The following DLG2 variants were observed in gnomAD, a reference collection of about 807,000 sequenced individuals.
DLG2 encodes discs large MAGUK scaffold protein 2.
Under a neutral mutation model 132.5 loss-of-function variants are expected in DLG2, and 45 were observed. The observed-to-expected ratio is 0.34, with a 90% CI of 0.27 to 0.44. The LOEUF is 0.44. Ranked by LOEUF, DLG2 falls within the 20% of genes least tolerant of loss-of-function variation. DLG2 has a pLI of 1.00. For missense variants in DLG2, 1,045 were observed against 1,196.9 expected, an observed-to-expected ratio of 0.87 and a Z score of 1.87; for synonymous variants, 424 against 419.6, an observed-to-expected ratio of 1.01 and a Z score of -0.13.
intron 6 of DLG2, among the ~76,000 whole-genome samples, chr11:84,714,649 C>T (rs377244654): frequency 1.2e-4 from 17 of 136,056 alleles, no homozygotes; most frequent in African/African-American, 3.1e-4. Context: ...CTCTCTCTTT[C>T]TCTCTCTCTC....
chr11:84,333,413 A>C (rs1020590416), intron 7 of DLG2, among the ~76,000 whole-genome samples: 9 of 152,198 alleles, frequency 5.9e-5, no homozygotes, highest in South Asian at 2.1e-4. Context: ...TTTGGCATTC[A>C]ATCCACAGTT....
At chr11:84,713,562 C>T (rs189791078) in intron 6 of DLG2, among the ~76,000 whole-genome samples, 2 of 152,100 alleles carry the variant, frequency 1.3e-5, no homozygotes, top group Non-Finnish European at 2.9e-5. Flanking sequence ...TCGTGAGACT[C>T]CTATTAACTC....
intron 3 of DLG2, among the ~76,000 whole-genome samples, chr11:85,511,157 A>G (rs1180967798): frequency 3.3e-5 from 5 of 151,914 alleles, no homozygotes; most frequent in Non-Finnish European, 5.9e-5. Flanking sequence ...TCACTCATAG[A>G]TGGGAATTGA....
intron 9 of DLG2, among the ~76,000 whole-genome samples, chr11:84,151,214 T>C (rs1022681994): frequency 2.0e-5 from 3 of 151,810 alleles, no homozygotes; most frequent in Non-Finnish European, 2.9e-5. Context: ...TTTTTTTTTC[T>C]GATTCAGTTT....
At chr11:85,308,972 T>G (rs765658292) in intron 3 of DLG2, among the ~76,000 whole-genome samples, 16 of 152,154 alleles carry the variant, frequency 1.1e-4, no homozygotes, top group Non-Finnish European at 2.4e-4. Context: ...TTCCATGAGA[T>G]GCATATACTT....
chr11:85,264,067 G>C (rs1252745916), intron 4 of DLG2, among the ~76,000 whole-genome samples: 2 of 151,772 alleles, frequency 1.3e-5, no homozygotes, highest in Non-Finnish European at 2.9e-5. Flanking sequence ...AAGGTATTTG[G>C]GAACAGGATG....
At chr11:84,445,713 G>C (rs1280403081) in intron 7 of DLG2, among the ~76,000 whole-genome samples, 1 of 151,722 alleles carries the variant, frequency 6.6e-6, no homozygotes, top group Non-Finnish European at 1.5e-5. Context: ...TCAGGAGATC[G>C]AGACCATCCT....
At chr11:84,720,255 G>A (rs570347043) in intron 6 of DLG2, 2 of 984,572 alleles carry the variant, frequency 2.0e-6, no homozygotes, top group African/African-American at 3.5e-5. Context: ...TCTCCCCCGA[G>A]GGAGGCAACA....
intron 7 of DLG2, among the ~76,000 whole-genome samples, chr11:84,299,139 G>A (rs1337459588): frequency 2.0e-5 from 3 of 152,150 alleles, no homozygotes; most frequent in South Asian, 2.1e-4. Context: ...ATAGAGAACT[G>A]CTTAAAACAT....
At chr11:84,193,058 T>G (rs901392681) in intron 8 of DLG2, among the ~76,000 whole-genome samples, 10 of 152,204 alleles carry the variant, frequency 6.6e-5, no homozygotes, top group African/African-American at 2.4e-4. Flanking sequence ...TAACAATGCA[T>G]GTAGTTGATA....
chr11:85,418,155 T>C (rs1383807585), intron 3 of DLG2, among the ~76,000 whole-genome samples: 3 of 152,206 alleles, frequency 2.0e-5, no homozygotes, highest in Non-Finnish European at 4.4e-5. Context: ...TTTGTTCTCA[T>C]TGGTTTCAAA....
chr11:83,632,970 A>G (rs973185367), intron 19 of DLG2: 6 of 489,172 alleles, frequency 1.2e-5, no homozygotes, highest in African/African-American at 9.7e-5. Context: ...TATGCTGAGC[A>G]TTTTATCCTG....
chr11:84,522,887 C>G (rs2099308816), intron 7 of DLG2, among the ~76,000 whole-genome samples: 1 of 152,190 alleles, frequency 6.6e-6, no homozygotes, highest in Non-Finnish European at 1.5e-5. Flanking sequence ...TCTTCCATCA[C>G]TAGCCTCAAA....
At chr11:84,775,796 G>C (rs1304202482) in intron 6 of DLG2, among the ~76,000 whole-genome samples, 2 of 152,110 alleles carry the variant, frequency 1.3e-5, no homozygotes, top group Admixed American at 1.3e-4. Context: ...TGGGTACTAT[G>C]CTTGCTCTTT....
intron 15 of DLG2, among the ~76,000 whole-genome samples, chr11:83,885,523 T>C (rs1192908349): frequency 6.6e-6 from 1 of 152,198 alleles, no homozygotes; most frequent in Admixed American, 6.5e-5. Context: ...GAAAACACTC[T>C]ACAGGATATT....
intron 6 of DLG2, among the ~76,000 whole-genome samples, chr11:84,558,889 A>C (rs756138278): frequency 6.6e-6 from 1 of 152,160 alleles, no homozygotes; most frequent in Non-Finnish European, 1.5e-5. Flanking sequence ...CAAAGACTTC[A>C]GGGTCTCCTC....
At chr11:85,399,720 C>T (rs2087840534) in intron 3 of DLG2, among the ~76,000 whole-genome samples, 1 of 152,152 alleles carries the variant, frequency 6.6e-6, no homozygotes, top group Non-Finnish European at 1.5e-5. Context: ...GGAAAACTGG[C>T]TAACCATATG....
Position 84,784,689 on chromosome 11 carries a change from T to G in DLG2, c.358-249958A>C, listed in dbSNP as rs113228465. The stretch of plus-strand genomic sequence containing the variant: ...ACAAAAATTCTTTAAAATCATGAAA[T>G]AGTTAATGAAGATTCAACATTTCTT... On this transcript the variant is annotated intron_variant, in intron 6 of 27. Transcript: ENST00000376104. Among the ~76,000 whole-genome samples the G allele has an allele frequency of 1.0e-3, 153 of 152,030 alleles. 2 individuals carry two copies. Among genetic ancestry groups the G allele is most frequent in the African/African-American group, 3.4e-3 (143 of 41,480 alleles).
chr11:84,924,142 T>C (rs537304204), intron 6 of DLG2, among the ~76,000 whole-genome samples: 12 of 152,260 alleles, frequency 7.9e-5, no homozygotes, highest in African/African-American at 2.9e-4. Flanking sequence ...CTTCTATCTG[T>C]TGTCATTCCT....
Sources: allele counts gnomAD v4.1 joint callset (sites outside exome capture counted in the v4.1 genomes callset), GRCh38; gene constraint gnomAD v4.1.1; transcripts MANE v1.5; gene names NCBI Gene and HGNC (gene_info 2026-07-23, HGNC 2026-07-21).